The following PDE11A variants were observed in gnomAD, a reference collection of about 807,000 sequenced individuals.
PDE11A encodes phosphodiesterase 11A.
In PDE11A, 100 loss-of-function variants were observed where a neutral mutation model predicts 100.5. That is an observed-to-expected ratio of 1.00 (90% CI 0.85 to 1.18). The LOEUF is 1.18. Ranked by LOEUF, PDE11A falls within the 50% of genes most tolerant of loss-of-function variation. The pLI is 0.00. For synonymous variants in PDE11A, 381 were observed against 420.8 expected, an observed-to-expected ratio of 0.91 and a Z score of 1.16; for missense variants, 1,141 against 1,152.6, an observed-to-expected ratio of 0.99 and a Z score of 0.15.
intron 18 of PDE11A, among the ~76,000 whole-genome samples, chr2:177,665,543 A>C (rs2080561857): frequency 6.6e-6 from 1 of 151,250 alleles, no homozygotes; most frequent in Non-Finnish European, 1.5e-5. Context: ...AAATAAATAC[A>C]CAAAATGTTT....
Position 178,071,924 on chromosome 2 carries a change from G to T in PDE11A, c.514C>A (p.Leu172Ile). 1 of 1,613,994 alleles carries T rather than the reference G, an allele frequency of 6.2e-7. No homozygotes were observed. Among genetic ancestry groups the T allele is most frequent in the Non-Finnish European group, 8.5e-7 (1 of 1,179,824 alleles). ...SSLPPTTAHI[L>I]SALLESRVNL... Reference sequence around the variant, plus strand: ...ACTCTCGATTCCAGCAGCGCACTGAGAATATGGGCTGTGGTGGGGGGCAGG... The same window carrying T: ...ACTCTCGATTCCAGCAGCGCACTGATAATATGGGCTGTGGTGGGGGGCAGG... The change falls in exon 1 of 20, where the codon CTC becomes ATC. Residue 172 changes from leucine (L) to isoleucine (I), a missense_variant. Leu to Ile is a conservative substitution (Grantham distance 5, BLOSUM62 2). Transcript: ENST00000286063.
intron 19 of PDE11A, among the ~76,000 whole-genome samples, chr2:177,638,161 G>A (rs375807482): frequency 1.3e-5 from 2 of 151,368 alleles, no homozygotes; most frequent in South Asian, 2.1e-4. Context: ...CACCGTGCCC[G>A]GCTAATTTTT....
chr2:177,794,658 GA>G (rs2082679727), intron 9 of PDE11A, among the ~76,000 whole-genome samples: 1 of 152,136 alleles, frequency 6.6e-6, no homozygotes, highest in African/African-American at 2.4e-5. Flanking sequence ...TTCTTTGGAT[GA>G]ATCTAATTCC....
Position 178,023,086 on chromosome 2 carries a change from T to A in PDE11A, c.913-8626A>T, listed in dbSNP as rs143542834. Among the ~76,000 whole-genome samples, 321 of 152,316 alleles carry A rather than the reference T, an allele frequency of 2.1e-3. 2 individuals carry two copies. The highest frequency in any genetic ancestry group is 3.8e-3 in the Non-Finnish European group (260 of 68,026). ...TTACTTCTCAGTGAAGGAACTGACCTGTGCCTCCTTCATAGAGAACAGTAA... is the reference window on the plus strand; with the variant it reads ...TTACTTCTCAGTGAAGGAACTGACCAGTGCCTCCTTCATAGAGAACAGTAA... On this transcript the variant is annotated intron_variant, in intron 1 of 19. Coordinates refer to ENST00000286063, the MANE Select transcript of PDE11A (RefSeq NM_016953.4).
At position 177,903,093 on chromosome 2, in the gene PDE11A, C is replaced by T. The variant is rs145848066; in HGVS notation, c.1161+2005G>A. On this transcript the variant is annotated intron_variant, in intron 3 of 19. Coordinates refer to ENST00000286063, the MANE Select transcript of PDE11A (RefSeq NM_016953.4). ...TTTTCTACCATCTGGCCTGCCTCCA[C>T]GTCCTCATTTTATTTTTTTTCCCTT... Among the ~76,000 whole-genome samples, 230 of 152,258 alleles carry T rather than the reference C, an allele frequency of 1.5e-3. 1 individual carries two copies. The highest frequency in any genetic ancestry group is 5.2e-3 in the African/African-American group (215 of 41,544).
intron 10 of PDE11A, among the ~76,000 whole-genome samples, chr2:177,767,559 T>A (rs1336144208): frequency 6.6e-6 from 1 of 152,178 alleles, no homozygotes; most frequent in Non-Finnish European, 1.5e-5. Context: ...ATAAATAGGA[T>A]TCCTAAATAA....
At chr2:177,729,749 A>G (rs751883987) in intron 10 of PDE11A, among the ~76,000 whole-genome samples, 17 of 152,238 alleles carry the variant, frequency 1.1e-4, no homozygotes, top group Admixed American at 7.8e-4. Flanking sequence ...GTTTTTGTAG[A>G]ATCTTTTTGC....
chr2:177,777,418 T>G (rs2105512764), intron 9 of PDE11A, among the ~76,000 whole-genome samples: 1 of 152,320 alleles, frequency 6.6e-6, no homozygotes, highest in Admixed American at 6.5e-5. Flanking sequence ...TACTGTTTTA[T>G]ATACATAAAT....
chr2:178,075,962 C>G (rs2087203074), upstream of PDE11A, among the ~76,000 whole-genome samples: 1 of 152,192 alleles, frequency 6.6e-6, no homozygotes, highest in South Asian at 2.1e-4. Flanking sequence ...CTGACCTCTT[C>G]TGCTTATCTG....
chr2:177,689,172 T>C (rs1158606600), intron 15 of PDE11A, among the ~76,000 whole-genome samples: 2 of 152,136 alleles, frequency 1.3e-5, no homozygotes, highest in Non-Finnish European at 2.9e-5. Context: ...AACCTCCTCC[T>C]CTCGGGTTCA....
intron 13 of PDE11A, 90 bp from the exon 14 acceptor site, chr2:177,701,301 C>T: frequency 1.3e-6 from 1 of 748,368 alleles, no homozygotes; most frequent in Non-Finnish European, 2.5e-6. Context: ...TTGCTTTTGG[C>T]AAAGGACCAT....
intron 2 of PDE11A, among the ~76,000 whole-genome samples, chr2:177,949,154 C>G (rs1039912423): frequency 3.3e-5 from 5 of 152,116 alleles, no homozygotes; most frequent in African/African-American, 4.8e-5. Flanking sequence ...CATTCCTGCC[C>G]CATTCTAGAG....
In PDE11A at chr2:177,789,867, C is replaced by T. The variant is rs902703259; in HGVS notation, c.1738-20494G>A. Among the ~76,000 whole-genome samples, 983 of 152,144 alleles carry T rather than the reference C, an allele frequency of 6.5e-3. 15 individuals are homozygous for T. Among genetic ancestry groups the T allele is most frequent in the African/African-American group, 0.022 (923 of 41,478 alleles). On this transcript the variant is annotated intron_variant, in intron 9 of 19. Coordinates refer to ENST00000286063, the MANE Select transcript of PDE11A (RefSeq NM_016953.4). ...AGACCTCTTCAAGGAGAACTACAAA[C>T]CACTGCTCAATGAAATAAAAGAGGA... is the stretch of plus-strand genomic sequence containing the variant.
chr2:178,071,540 G>T lies in PDE11A; in HGVS notation c.898C>A (p.Pro300Thr). The change falls in exon 1 of 20, where the codon CCT (proline) becomes ACT (threonine). Residue 300 changes from proline to threonine, a missense_variant. Transcript: ENST00000286063. The stretch of plus-strand genomic sequence containing the variant: ...CAAAGTCCTACCTGGTAGGCATCAG[G>T]AATGTTGACCGTTTCTCCATGCTCC... ...VGEHGETVNI[P>T]DAYQDRRFND... The T allele has an allele frequency of 6.2e-7, 1 of 1,612,520 alleles. No individual in the cohort carries two copies.
chr2:177,998,357 G>A (rs6433706), intron 2 of PDE11A: 28,496 of 811,904 alleles, frequency 0.035, 861 homozygotes, highest in African/African-American at 0.095. Context: ...GAAGTATTTG[G>A]CTGAACAATG....
At chr2:177,664,354 C>A (rs13026012) in intron 18 of PDE11A, among the ~76,000 whole-genome samples, 1 of 152,080 alleles carries the variant, frequency 6.6e-6, no homozygotes, top group African/African-American at 2.4e-5. Flanking sequence ...TAGGACAAAT[C>A]GGAAAATATC....
chr2:177,784,102 T>C (rs1451357236), intron 9 of PDE11A, among the ~76,000 whole-genome samples: 1 of 151,632 alleles, frequency 6.6e-6, no homozygotes, highest in Non-Finnish European at 1.5e-5. Context: ...GAAACCTCTG[T>C]CCCTCTACAA....
chr2:177,643,281 G>A (rs1171462155), intron 19 of PDE11A, among the ~76,000 whole-genome samples: 4 of 152,208 alleles, frequency 2.6e-5, no homozygotes, highest in African/African-American at 9.7e-5. Flanking sequence ...GGCTTGTTGA[G>A]TGGCTCTGAC....
At chr2:177,646,900 A>G (rs2080231490) in intron 19 of PDE11A, among the ~76,000 whole-genome samples, 1 of 152,246 alleles carries the variant, frequency 6.6e-6, no homozygotes, top group Non-Finnish European at 1.5e-5. Context: ...AATGGGAGCA[A>G]GAACAGTTTC....
Sources: allele counts gnomAD v4.1 joint callset (sites outside exome capture counted in the v4.1 genomes callset), GRCh38; gene constraint gnomAD v4.1.1; transcripts MANE v1.5; gene names NCBI Gene and HGNC (gene_info 2026-07-23, HGNC 2026-07-21).